Variants in SCN8A observed in about 807,000 individuals in gnomAD.
SCN8A encodes the protein sodium voltage-gated channel alpha subunit 8.
SCN8A carries 30 observed loss-of-function variants against 184.1 expected under a neutral mutation model. That is an observed-to-expected ratio of 0.16 (90% confidence interval 0.12 to 0.22). The LOEUF (loss-of-function observed/expected upper bound fraction) is 0.22. Among genes scored for constraint, SCN8A ranks in the 10% least tolerant of loss-of-function variants. The probability of loss-of-function intolerance (pLI) is 1.00; values close to 1 mark genes in which losing one functional copy is unlikely to be tolerated. For synonymous variants in SCN8A, 852 were observed against 907.0 expected, an observed-to-expected ratio of 0.94 and a Z score of 1.09; for missense variants, 1,057 against 2,498.9, an observed-to-expected ratio of 0.42 and a Z score of 12.30.
chr12:51,621,898 T>A (rs944148900), intron 1 of SCN8A, among the ~76,000 whole-genome samples: 1 of 152,198 alleles, frequency 6.6e-6, no homozygotes, highest in African/African-American at 2.4e-5. Context: ...TTCAGGATTC[T>A]GTCTGCCTCT....
At chr12:51,752,395 C>G (rs569126418) in intron 14 of SCN8A, among the ~76,000 whole-genome samples, 17 of 151,798 alleles carry the variant, frequency 1.1e-4, no homozygotes, top group Non-Finnish European at 2.1e-4. Flanking sequence ...TATGTGTGCT[C>G]TCTCACTCTC....
At chr12:51,787,834 C>T (rs1938129318) in intron 22 of SCN8A, among the ~76,000 whole-genome samples, 1 of 152,128 alleles carries the variant, frequency 6.6e-6, no homozygotes, top group Non-Finnish European at 1.5e-5. Flanking sequence ...GTAGTTTTTC[C>T]TACCCCAAAG....
intron 11 of SCN8A, among the ~76,000 whole-genome samples, chr12:51,719,681 T>TA (rs969822421): frequency 1.6e-5 from 2 of 127,142 alleles, no homozygotes; most frequent in African/African-American, 6.2e-5. Context: ...AGCAGTAAAA[T>TA]ACATTAAAAC....
chr12:51,702,321 CAA>C (rs747855764), intron 8 of SCN8A, among the ~76,000 whole-genome samples: 55 of 76,536 alleles, frequency 7.2e-4, no homozygotes, highest in South Asian at 2.8e-3. Context: ...GACTCTGTAT[CAA>C]AAAAAAAAAA....
At position 51,769,098 on chromosome 12, in the gene SCN8A, C is replaced by T. The variant is rs550579591; in HGVS notation, c.3135C>T (p.Ile1045=). The T allele has an allele frequency of 4.0e-5, 65 of 1,613,692 alleles. No individual in the cohort carries two copies. The highest frequency in any genetic ancestry group is 1.1e-4 in the African/African-American group (8 of 75,056). Residue 1045 remains isoleucine (I), a synonymous_variant, in exon 17 of 27, where the codon ATC becomes ATT. Coordinates refer to ENST00000627620, the MANE Select transcript of SCN8A (RefSeq NM_001330260.2). ...TGTATGAAAAGAAGGCCAACTGTAT[C>T]GCCAATCACACCGGTGCAGACATCC... ...DELYEKKANC[I]ANHTGADIHR...
intron 21 of SCN8A, among the ~76,000 whole-genome samples, chr12:51,783,107 C>CA (rs1937976512): frequency 6.6e-6 from 1 of 152,162 alleles, no homozygotes; most frequent in African/African-American, 2.4e-5. Flanking sequence ...AGCCAACTAA[C>CA]AGACAGTATT....
At position 51,811,804 on chromosome 12, in the gene SCN8A, G is replaced by GGCCCCCA. The variant is rs1938910801; in HGVS notation, c.*4379_*4385dup. On this transcript the variant is annotated 3_prime_UTR_variant, in exon 27 of 27. Coordinates refer to ENST00000627620, the MANE Select transcript of SCN8A (RefSeq NM_001330260.2). Reference sequence around the variant, plus strand: ...GGTCAGTCCCCATCCTCCTCCCCTCGGCCCCCAGCCTCCAGGCCTGCTGTG... The same window carrying GGCCCCCA: ...GGTCAGTCCCCATCCTCCTCCCCTCGGCCCCCAGCCCCCAGCCTCCAGGCCTGCTGTG... 3 of 152,380 alleles carry GGCCCCCA rather than the reference G, an allele frequency of 2.0e-5. No individual in the cohort carries two copies. The highest frequency in any genetic ancestry group is 4.1e-4 in the South Asian group (2 of 4,832). 9.4% of individuals were successfully genotyped at this position (152,380 alleles called of 1,614,324 possible).
At chr12:51,780,125 G>C in intron 20 of SCN8A, 1 of 393,118 alleles carries the variant, frequency 2.5e-6, no homozygotes, top group African/African-American at 2.1e-5. Context: ...GTCCCTCTTG[G>C]AAAGCCAATG....
intron 11 of SCN8A, among the ~76,000 whole-genome samples, chr12:51,720,461 TGGGGGAG>T (rs1471970234): frequency 1.8e-5 from 1 of 56,766 alleles, no homozygotes; most frequent in East Asian, 6.1e-4. Context: ...GACATAGGGT[TGGGGGAG>T]GGGGGAGGGA....
chr12:51,804,046 T>C (rs1016298537), intron 26 of SCN8A, among the ~76,000 whole-genome samples: 2 of 152,240 alleles, frequency 1.3e-5, no homozygotes, highest in African/African-American at 4.8e-5. Context: ...TGTTAGTGCC[T>C]GGACGGCAAG....
chr12:51,661,316 G>A (rs576418908), intron 1 of SCN8A, among the ~76,000 whole-genome samples: 176 of 152,304 alleles, frequency 1.2e-3, no homozygotes, highest in Non-Finnish European at 2.1e-3. Context: ...TTTGCGCAGC[G>A]TGAAGCCAAC....
intron 1 of SCN8A, among the ~76,000 whole-genome samples, chr12:51,632,899 C>T (rs576151561): frequency 1.1e-4 from 16 of 150,140 alleles, no homozygotes; most frequent in Admixed American, 7.2e-4. Flanking sequence ...CTGTTTCCTC[C>T]GTGCTTTTAC....
chr12:51,675,210 G>A (rs1400034553), intron 2 of SCN8A, among the ~76,000 whole-genome samples: 2 of 152,216 alleles, frequency 1.3e-5, no homozygotes, highest in Non-Finnish European at 2.9e-5. Flanking sequence ...CTGGGAAGCA[G>A]CATTGTGCTG....
At chr12:51,770,773 C>A in intron 19 of SCN8A, 90 bp downstream of exon 19, 2 of 1,348,876 alleles carry the variant, frequency 1.5e-6, no homozygotes, top group Non-Finnish European at 2.1e-6. Flanking sequence ...AGCCCAGTGG[C>A]TCTGAAAACA....
Position 51,806,204 on chromosome 12 carries a change from A to G in SCN8A, c.4796-78A>G. ...AAAGCCCTTTGAACCTAAGGGTTCC[A>G]CAATGCCAGGTAAAAAAAATAAAGA... On this transcript the variant is annotated intron_variant, in intron 26 of 26. Transcript: ENST00000627620. The surrounding 1 kb of genome is among the most constrained non-coding windows in gnomAD (Gnocchi z 8.7). 1 of 1,356,338 alleles carries G rather than the reference A, an allele frequency of 7.4e-7. No individual in the cohort carries two copies. The highest frequency in any genetic ancestry group is 1.0e-6 in the Non-Finnish European group (1 of 1,002,692). 84.0% of individuals were successfully genotyped at this position (1,356,338 alleles called of 1,614,324 possible).
intron 1 of SCN8A, among the ~76,000 whole-genome samples, chr12:51,617,187 C>T (rs1266015208): frequency 6.6e-6 from 1 of 152,094 alleles, no homozygotes; most frequent in Non-Finnish European, 1.5e-5. Flanking sequence ...TCTTCAAATA[C>T]TTTTTGTGCA....
At chr12:51,793,306 C>G (rs928686822) in intron 25 of SCN8A, among the ~76,000 whole-genome samples, 1 of 152,130 alleles carries the variant, frequency 6.6e-6, no homozygotes, top group Non-Finnish European at 1.5e-5. Flanking sequence ...GCCCAGATTC[C>G]TGGCTTGAGA....
At chr12:51,741,537 A>T (rs1247666178) in intron 12 of SCN8A, among the ~76,000 whole-genome samples, 1 of 151,598 alleles carries the variant, frequency 6.6e-6, no homozygotes, top group Non-Finnish European at 1.5e-5. Flanking sequence ...GTCTTCTTTT[A>T]CTTCTTCCCT....
At chr12:51,716,823 A>G (rs111542876) in intron 11 of SCN8A, among the ~76,000 whole-genome samples, 5 of 152,212 alleles carry the variant, frequency 3.3e-5, no homozygotes, top group East Asian at 3.9e-4. Flanking sequence ...CTTGCCTTCA[A>G]ACTTGTTTTT....
Sources: gnomAD v4.1 joint callset for allele counts (sites outside exome capture counted in the v4.1 genomes callset) on GRCh38, gnomAD v4.1.1 for gene constraint, Gnocchi (gnomAD v3.1) non-coding constraint, MANE v1.5 for transcripts, NCBI Gene and HGNC (gene_info 2026-07-23, HGNC 2026-07-21) for gene names.